Variants in C8A observed in about 807,000 individuals in gnomAD.
C8A encodes complement component C8 alpha chain.
Under a neutral mutation model 65.3 loss-of-function variants are expected in C8A, and 67 were observed. That is an observed-to-expected ratio of 1.03 (90% CI 0.84 to 1.26). The LOEUF is 1.26. Among genes scored for constraint, C8A ranks in the 50% most tolerant of loss-of-function variants. C8A has a pLI of 0.00. For missense variants in C8A, 781 were observed against 723.9 expected (o/e 1.08, Z -0.90); for synonymous variants, 290 against 259.4 (o/e 1.12, Z -1.13).
chr1:56,896,317 C>G (rs929246300), intron 7 of C8A, among the ~76,000 whole-genome samples: 1 of 152,024 alleles, frequency 6.6e-6, no homozygotes, highest in Non-Finnish European at 1.5e-5. Context: ...AGCTGGACAC[C>G]CAGGAGGGCT....
chr1:56,887,896 C>T (rs878989558), intron 7 of C8A, among the ~76,000 whole-genome samples: 2 of 152,112 alleles, frequency 1.3e-5, no homozygotes, highest in Admixed American at 6.6e-5. Flanking sequence ...GAAAACCAAA[C>T]ACCACAGGTT....
intron 7 of C8A, among the ~76,000 whole-genome samples, chr1:56,904,999 C>T (rs1644453145): frequency 6.6e-6 from 1 of 152,224 alleles, no homozygotes; most frequent in Non-Finnish European, 1.5e-5. Context: ...TAAGTAATCA[C>T]TCTGGCTTCT....
chr1:56,879,467 T>G (rs1644229935), intron 4 of C8A, among the ~76,000 whole-genome samples: 1 of 152,178 alleles, frequency 6.6e-6, no homozygotes, highest in Non-Finnish European at 1.5e-5. Flanking sequence ...CTCTTAGGGA[T>G]TACCGTTTCT....
At chr1:56,873,448 G>C (rs1439346459) in intron 2 of C8A, among the ~76,000 whole-genome samples, 1 of 152,070 alleles carries the variant, frequency 6.6e-6, no homozygotes, top group Non-Finnish European at 1.5e-5. Flanking sequence ...AGAAAATCTG[G>C]GCCCTGAACC....
At chr1:56,911,691 G>A (rs1202527382) in intron 9 of C8A, among the ~76,000 whole-genome samples, 4 of 152,170 alleles carry the variant, frequency 2.6e-5, no homozygotes, top group Non-Finnish European at 2.9e-5. Flanking sequence ...CAATAGTGCC[G>A]AAGTTGAAAA....
chr1:56,886,621 TCTC>T (rs1290373221), intron 7 of C8A, among the ~76,000 whole-genome samples: 1 of 152,068 alleles, frequency 6.6e-6, no homozygotes. Context: ...ATTCTTCCAC[TCTC>T]CTCCATCTCC....
intron 7 of C8A, among the ~76,000 whole-genome samples, chr1:56,899,520 C>A (rs1644410823): frequency 6.6e-6 from 1 of 152,156 alleles, no homozygotes; most frequent in South Asian, 2.1e-4. Flanking sequence ...ACTGAGTGAG[C>A]TAACACATGG....
In C8A at chr1:56,881,623, T is replaced by C; in HGVS notation, c.643T>C (p.Tyr215His). ...YFRKPYNFLKYHFEALADTGI... is the reference protein window; with the variant it reads ...YFRKPYNFLKHHFEALADTGI... Reference sequence around the variant, plus strand: ...TCGGAAACCCTACAACTTTCTGAAGTACCACTTTGAAGTAAGTCTGAACAG... The same window carrying C: ...TCGGAAACCCTACAACTTTCTGAAGCACCACTTTGAAGTAAGTCTGAACAG... The change falls in exon 5 of 11, where the codon TAC (tyrosine) becomes CAC (histidine). Residue 215 changes from tyrosine to histidine, a missense_variant. Coordinates refer to ENST00000361249, the MANE Select transcript of C8A (RefSeq NM_000562.3). 1 of 1,613,114 alleles carries C rather than the reference T, an allele frequency of 6.2e-7. No individual in the cohort carries two copies. Among genetic ancestry groups the C allele is most frequent in the Non-Finnish European group, 8.5e-7 (1 of 1,179,678 alleles).
chr1:56,897,969 C>T (rs1202679225), intron 7 of C8A, among the ~76,000 whole-genome samples: 1 of 152,054 alleles, frequency 6.6e-6, no homozygotes, highest in East Asian at 1.9e-4. Context: ...ACAGTAGAAG[C>T]ACAAAGGAGG....
intron 1 of C8A, among the ~76,000 whole-genome samples, chr1:56,858,752 A>G (rs1644001317): frequency 6.6e-6 from 1 of 152,226 alleles, no homozygotes; most frequent in South Asian, 2.1e-4. Context: ...TCAAAAGCGA[A>G]TCATGTAATA....
chr1:56,869,908 G>A (rs72670319), intron 2 of C8A, among the ~76,000 whole-genome samples: 20,549 of 152,116 alleles, frequency 0.14, 1,849 homozygotes, highest in East Asian at 0.35. Context: ...GAGGTGCTCT[G>A]GGAATGTTCC....
At chr1:56,868,327 A>C (rs1325445025) in intron 2 of C8A, among the ~76,000 whole-genome samples, 1 of 151,522 alleles carries the variant, frequency 6.6e-6, no homozygotes, top group African/African-American at 2.4e-5. Context: ...AAACATAGTC[A>C]GCCAGGTGTG....
intron 7 of C8A, among the ~76,000 whole-genome samples, chr1:56,893,728 C>T (rs1644366670): frequency 6.6e-6 from 1 of 152,124 alleles, no homozygotes. Flanking sequence ...TGTCATCTGC[C>T]TCATAGAGTG....
chr1:56,864,823 C>T (rs899894665), intron 1 of C8A, among the ~76,000 whole-genome samples: 1 of 152,042 alleles, frequency 6.6e-6, no homozygotes, highest in African/African-American at 2.4e-5. Context: ...CCAGAAAGTC[C>T]CCACCATCTT....
chr1:56,913,946 G>C (rs1644530546), intron 10 of C8A, among the ~76,000 whole-genome samples: 1 of 152,182 alleles, frequency 6.6e-6, no homozygotes, highest in African/African-American at 2.4e-5. Context: ...GTGAAAGACG[G>C]GTTAACAAAA....
Position 56,854,978 on chromosome 1 carries a change from A to C in C8A, c.77A>C (p.Gln26Pro). ...PGVTAQEKVN[Q>P]RVRRAATPAA... ...GTAACTGCACAGGAGAAGGTGAACC[A>C]GTAAGTGGGCCATATGTCTCTGCAA... The change falls in exon 1 of 11, where the codon CAG (glutamine) becomes CCG (proline). Residue 26 changes from glutamine (Q) to proline (P), a missense_variant and splice_region_variant. Gln to Pro is a moderately conservative substitution (Grantham distance 76). Coordinates refer to ENST00000361249, the MANE Select transcript of C8A (RefSeq NM_000562.3). 6.2e-7 allele frequency: 1 copy of C among 1,612,550 alleles called. No individual in the cohort carries two copies. The highest frequency in any genetic ancestry group is 1.1e-5 in the South Asian group (1 of 90,950).
chr1:56,861,154 A>T (rs1465446902), intron 1 of C8A, among the ~76,000 whole-genome samples: 1 of 152,186 alleles, frequency 6.6e-6, no homozygotes, highest in Admixed American at 6.5e-5. Context: ...TTGAGCACCT[A>T]TTATATGCCA....
At chr1:56,889,707 G>A (rs141972467) in intron 7 of C8A, among the ~76,000 whole-genome samples, 19 of 152,240 alleles carry the variant, frequency 1.2e-4, no homozygotes, top group Admixed American at 1.2e-3. Flanking sequence ...CATACTCACT[G>A]GTTTGCTCTG....
rs1218736509 is a variant in C8A at position 56,903,134 on chromosome 1, TTGCTATGCTTGG to T, written c.1097-3530_1097-3519del. Among the ~76,000 whole-genome samples the T allele has an allele frequency of 2.6e-5, 4 of 152,200 alleles. No individual in the cohort carries two copies. In the East Asian group the frequency reaches 7.7e-4, roughly 29 times the overall value. On this transcript the variant is annotated intron_variant, in intron 7 of 10. Transcript: ENST00000361249. The stretch of plus-strand genomic sequence containing the variant: ...AAAGTTTTCCCAGTTCAGTCTCATT[TTGCTATGCTTGG>T]TGATATGGTTTGGCTGTGTCCCCGC...
Sources: allele counts gnomAD v4.1 joint callset (sites outside exome capture counted in the v4.1 genomes callset), GRCh38; gene constraint gnomAD v4.1.1; transcripts MANE v1.5; gene names NCBI Gene and HGNC (gene_info 2026-07-23, HGNC 2026-07-21).